Variants in IRAG2 observed in about 807,000 individuals in gnomAD.
The protein encoded by IRAG2 is lymphoid restricted membrane protein.
In IRAG2, 45 loss-of-function variants were observed where a neutral mutation model predicts 69.9. The observed-to-expected ratio is 0.64, with a 90% confidence interval of 0.51 to 0.83. The LOEUF (loss-of-function observed/expected upper bound fraction) is 0.83. Ranked by LOEUF, IRAG2 falls within the 40% of genes least tolerant of loss-of-function variation. The probability of loss-of-function intolerance (pLI) is 0.00; values close to 1 mark genes in which losing one functional copy is unlikely to be tolerated. For synonymous variants in IRAG2, 193 were observed against 202.4 expected (o/e 0.95, Z 0.40); for missense variants, 520 against 587.0 (o/e 0.89, Z 1.18).
chr12:25,035,638 C>T (rs1043953405), intron 13 of IRAG2: 32 of 398,768 alleles, frequency 8.0e-5, no homozygotes, highest in African/African-American at 4.9e-4. Context: ...GTGGGCATTT[C>T]GATCCTTGTT....
chr12:25,076,595 A>G, intron 6 of IRAG2: 10 of 982,628 alleles, frequency 1.0e-5, no homozygotes, highest in Non-Finnish European at 1.2e-5. Flanking sequence ...TAAGAACTGC[A>G]TTCTCTTTCA....
chr12:25,023,991 G>A (rs1944603494), intron 8 of IRAG2: 1 of 890,276 alleles, frequency 1.1e-6, no homozygotes, highest in Admixed American at 4.3e-5. Context: ...TATGGCTGTG[G>A]GTTAAATAAA....
chr12:25,102,395 C>T (rs960912340), intron 17 of IRAG2, 154 bp downstream of exon 17: 5 of 624,282 alleles, frequency 8.0e-6, no homozygotes, highest in Middle Eastern at 4.2e-4. Context: ...TTTATACTCT[C>T]TGCTATATTT....
intron 6 of IRAG2, among the ~76,000 whole-genome samples, chr12:25,018,424 T>C (rs899315329): frequency 3.6e-4 from 55 of 152,098 alleles, no homozygotes; most frequent in African/African-American, 1.2e-3. Flanking sequence ...CAGGTTGGTC[T>C]ACAATGCCTG....
At chr12:25,100,524 T>G (rs1163967909) in intron 15 of IRAG2, among the ~76,000 whole-genome samples, 1 of 152,204 alleles carries the variant, frequency 6.6e-6, no homozygotes, top group African/African-American at 2.4e-5. Flanking sequence ...CTTAGAATAT[T>G]AGAATCCCCA....
chr12:25,060,545 AG>A (rs1945552666), intron 1 of IRAG2, among the ~76,000 whole-genome samples: 1 of 151,864 alleles, frequency 6.6e-6, no homozygotes, highest in Admixed American at 6.6e-5. Flanking sequence ...TCATGATCTG[AG>A]ATCTACTTGT....
chr12:25,013,661 C>T (rs1565526005), intron 3 of IRAG2, among the ~76,000 whole-genome samples: 2 of 152,062 alleles, frequency 1.3e-5, no homozygotes, highest in South Asian at 4.1e-4. Context: ...TGCTTCCATA[C>T]ACTAAAATAC....
At position 25,087,994 on chromosome 12, in the gene IRAG2, A is replaced by G. The variant is rs145398182; in HGVS notation, c.316-106A>G. 2.2e-3 allele frequency: 1,691 copies of G among 784,686 alleles called. 14 individuals are homozygous for G. In the African/African-American group the frequency reaches 0.026, roughly 12 times the overall value. 48.6% of individuals were successfully genotyped at this position (784,686 alleles called of 1,614,324 possible). On this transcript the variant is annotated intron_variant, in intron 10 of 21. Transcript: ENST00000556887. ...CAAAAAGGTTGGGGACTGCTGTTAT[A>G]GAGTGTTTTTGTCAGAGTAGGCTTA...
At chr12:25,101,080 G>T in intron 15 of IRAG2, 98 bp from the exon 16 acceptor site, 3 of 1,020,980 alleles carry the variant, frequency 2.9e-6, no homozygotes, top group East Asian at 2.7e-5. Flanking sequence ...CACTTTAGTG[G>T]GATTTAGGAA....
chr12:25,071,215 G>A (rs1165525450), intron 6 of IRAG2, among the ~76,000 whole-genome samples: 1 of 151,888 alleles, frequency 6.6e-6, no homozygotes, highest in Non-Finnish European at 1.5e-5. Context: ...ATTAGGTGGC[G>A]GGCACCTATA....
At chr12:25,081,919 C>T (rs563532125) in intron 9 of IRAG2, among the ~76,000 whole-genome samples, 1 of 152,122 alleles carries the variant, frequency 6.6e-6, no homozygotes, top group African/African-American at 2.4e-5. Flanking sequence ...CACATGGGGA[C>T]GGTCTTACTC....
In IRAG2 at chr12:25,065,089, C is replaced by CAA. The variant is rs35101161; in HGVS notation, c.-206-1265_-206-1264dup. On this transcript the variant is annotated intron_variant, in intron 4 of 21. Transcript: ENST00000556887. ...TGGGTGTCGCAGTGAGACTCAGTCTCAAAAAAAAAAAAGAGAGAGAGAAAG... is the reference window on the plus strand; with the variant it reads ...TGGGTGTCGCAGTGAGACTCAGTCTCAAAAAAAAAAAAAAGAGAGAGAGAAAG... Among the ~76,000 whole-genome samples the CAA allele has an allele frequency of 1.7e-3, 238 of 142,840 alleles. 1 individual carries two copies. Among genetic ancestry groups the CAA allele is most frequent in the Middle Eastern group, 7.2e-3 (2 of 276 alleles). 93.7% of individuals were successfully genotyped at this position (142,840 alleles called of 152,430 possible).
chr12:25,060,546 G>A (rs952343254), intron 1 of IRAG2, among the ~76,000 whole-genome samples: 19 of 151,894 alleles, frequency 1.3e-4, no homozygotes, highest in African/African-American at 4.6e-4. Context: ...CATGATCTGA[G>A]ATCTACTTGT....
At chr12:25,101,386 TAA>T in intron 16 of IRAG2, 61 bp downstream of exon 16, 1 of 1,211,322 alleles carries the variant, frequency 8.3e-7, no homozygotes, top group Non-Finnish European at 1.1e-6. Flanking sequence ...TCTTTTTTGC[TAA>T]GTCTTATTAT....
intron 6 of IRAG2, among the ~76,000 whole-genome samples, chr12:25,019,894 T>C (rs774229056): frequency 7.9e-5 from 12 of 152,202 alleles, no homozygotes; most frequent in Non-Finnish European, 1.6e-4. Flanking sequence ...TTCCTTCTAG[T>C]TACCTAAAAG....
At chr12:25,036,532 A>G (rs1289382945) in intron 14 of IRAG2, 1 of 398,330 alleles carries the variant, frequency 2.5e-6, no homozygotes, top group Non-Finnish European at 4.4e-6. Flanking sequence ...ATGGATTCTG[A>G]TTATATAATA....
rs772444591 is a variant in IRAG2, at chr12:25,090,089, G to A, written c.498G>A (p.Lys166=). Reference sequence around the variant, plus strand: ...TTCTCAGATTATCTTTGGGATTTAAGTGTGACTGGTTTACCTTGGAGAAGA... The same window carrying A: ...TTCTCAGATTATCTTTGGGATTTAAATGTGACTGGTTTACCTTGGAGAAGA... ...AEFLRLSLGF[K]CDWFTLEKRV... The change falls in exon 14 of 22, where the codon AAG becomes AAA. Residue 166 remains lysine (K), a synonymous_variant. Transcript: ENST00000556887. 1.9e-6 allele frequency: 3 copies of A among 1,614,062 alleles called. No individual in the cohort carries two copies. The highest frequency in any genetic ancestry group is 4.5e-5 in the East Asian group (2 of 44,888).
chr12:25,095,546 T>C (rs753781022), intron 14 of IRAG2, among the ~76,000 whole-genome samples: 3 of 152,184 alleles, frequency 2.0e-5, no homozygotes, highest in Non-Finnish European at 4.4e-5. Context: ...TTCAGTCTAG[T>C]AGTATTTTGT....
intron 14 of IRAG2, among the ~76,000 whole-genome samples, chr12:25,094,731 C>CTCCT (rs1948306963): frequency 6.6e-6 from 1 of 151,572 alleles, no homozygotes; most frequent in African/African-American, 2.4e-5. Context: ...TTATTTGTGT[C>CTCCT]TTGTCTTCTT....
Sources: allele counts gnomAD v4.1 joint callset (sites outside exome capture counted in the v4.1 genomes callset), GRCh38; gene constraint gnomAD v4.1.1; transcripts MANE v1.5; gene names NCBI Gene and HGNC (gene_info 2026-07-23, HGNC 2026-07-21).